Variants in SLC14A2 observed in about 807,000 individuals in gnomAD.
SLC14A2 encodes urea transporter 2.
In SLC14A2, 91 loss-of-function variants were observed where a neutral mutation model predicts 104.6. The ratio of observed to expected loss-of-function variants is 0.87; its 90% CI spans 0.73 to 1.04. The LOEUF (loss-of-function observed/expected upper bound fraction) is 1.04. SLC14A2 is among the 50% of genes least tolerant of loss of function. The probability of loss-of-function intolerance (pLI) is 0.00; values close to 1 mark genes in which losing one functional copy is unlikely to be tolerated. For missense variants in SLC14A2, 1,189 were observed against 1,156.0 expected, an observed-to-expected ratio of 1.03 and a Z score of -0.41; for synonymous variants, 476 against 466.4, an observed-to-expected ratio of 1.02 and a Z score of -0.27.
At chr18:45,240,949 C>T (rs749947288) in intron 1 of SLC14A2, among the ~76,000 whole-genome samples, 5 of 152,146 alleles carry the variant, frequency 3.3e-5, no homozygotes, top group South Asian at 4.1e-4. Flanking sequence ...TGAGCCACCG[C>T]GCCCAGCTTC....
intron 1 of SLC14A2, among the ~76,000 whole-genome samples, chr18:45,453,348 C>T (rs1331063006): frequency 1.3e-5 from 2 of 152,164 alleles, no homozygotes; most frequent in Non-Finnish European, 2.9e-5. Flanking sequence ...AGGCAACTCA[C>T]TCTGGGCACA....
intron 2 of SLC14A2, among the ~76,000 whole-genome samples, chr18:45,512,296 A>G (rs958570659): frequency 2.0e-5 from 3 of 152,146 alleles, no homozygotes; most frequent in African/African-American, 7.2e-5. Flanking sequence ...AGGAATTAGG[A>G]GTGAACCAGA....
chr18:45,399,021 A>C (rs1437013629), intron 1 of SLC14A2, among the ~76,000 whole-genome samples: 1 of 152,328 alleles, frequency 6.6e-6, no homozygotes, highest in South Asian at 2.1e-4. Flanking sequence ...GCCCAAAAAG[A>C]AATAGTATAA....
chr18:45,487,441 C>T lies in SLC14A2; in HGVS notation c.-35+4119C>T, dbSNP rs542662602. Among the ~76,000 whole-genome samples, 4 of 152,190 alleles carry T rather than the reference C, an allele frequency of 2.6e-5. No homozygotes were observed. In the South Asian group the frequency reaches 6.2e-4, roughly 24 times the overall value. On this transcript the variant is annotated intron_variant, in intron 2 of 20. Coordinates refer to the SLC14A2 transcript ENST00000586448. ...CTCTTGACATATAAGGCAACACATT[C>T]GCAAGTTCCTGGGGATTAGGGCACA...
intron 4 of SLC14A2, 76 bp from the exon 5 acceptor site, chr18:45,632,274 T>G: frequency 6.5e-7 from 1 of 1,527,216 alleles, no homozygotes; most frequent in Non-Finnish European, 8.8e-7. Flanking sequence ...ATTAAGCATA[T>G]CCTCAGAGCA....
chr18:45,285,874 G>T (rs1341881770), intron 1 of SLC14A2, among the ~76,000 whole-genome samples: 2 of 152,166 alleles, frequency 1.3e-5, no homozygotes, highest in South Asian at 4.1e-4. Flanking sequence ...TCAGAACAGT[G>T]GTTCTCAGCC....
intron 2 of SLC14A2, among the ~76,000 whole-genome samples, chr18:45,575,662 C>A (rs1004566632): frequency 5.3e-5 from 8 of 152,328 alleles, no homozygotes; most frequent in African/African-American, 1.9e-4. Context: ...TAAATCAGGG[C>A]TGAAGCAGAA....
At chr18:45,573,931 T>G (rs2044383784) in intron 2 of SLC14A2, among the ~76,000 whole-genome samples, 1 of 152,204 alleles carries the variant, frequency 6.6e-6, no homozygotes, top group Admixed American at 6.5e-5. Flanking sequence ...GATATAGATG[T>G]TCAGAAAATA....
chr18:45,612,755 T>G (rs2044993028), upstream of SLC14A2, among the ~76,000 whole-genome samples: 1 of 152,196 alleles, frequency 6.6e-6, no homozygotes, highest in East Asian at 1.9e-4. Flanking sequence ...ATTCCCCATG[T>G]GTCAAAGTCG....
intron 1 of SLC14A2, among the ~76,000 whole-genome samples, chr18:45,344,756 C>T (rs1204580865): frequency 3.3e-5 from 5 of 152,076 alleles, no homozygotes; most frequent in Non-Finnish European, 5.9e-5. Flanking sequence ...AAGTGGTGTG[C>T]GTCAGTGGCA....
chr18:45,604,492 C>A (rs1019463924), intron 2 of SLC14A2, among the ~76,000 whole-genome samples: 3 of 152,170 alleles, frequency 2.0e-5, no homozygotes, highest in African/African-American at 7.2e-5. Context: ...AGAGAAACAA[C>A]TCTGCTTTAT....
intron 1 of SLC14A2, among the ~76,000 whole-genome samples, chr18:45,481,517 G>A (rs973062441): frequency 6.6e-6 from 1 of 152,046 alleles, no homozygotes. Flanking sequence ...AAAATATATA[G>A]CATTCATTAA....
intron 1 of SLC14A2, among the ~76,000 whole-genome samples, chr18:45,397,100 A>G (rs1462332957): frequency 6.6e-6 from 1 of 152,130 alleles, no homozygotes; most frequent in African/African-American, 2.4e-5. Flanking sequence ...GTGTTTTGCT[A>G]TTGTGAATAG....
rs999423607 is a variant in SLC14A2 at position 45,487,742 on chromosome 18, G to C, written c.-35+4420G>C. Reference sequence around the variant, plus strand: ...ATCACAAGGTCCAGCTGACCCCTTGGGGATACCTAAAATGGGATGGCCTCT... The same window carrying C: ...ATCACAAGGTCCAGCTGACCCCTTGCGGATACCTAAAATGGGATGGCCTCT... On this transcript the variant is annotated intron_variant, in intron 2 of 20. Transcript: ENST00000586448. 6.6e-5 allele frequency among the ~76,000 whole-genome samples: 10 copies of C among 152,256 alleles called. No individual in the cohort carries two copies. In the East Asian group the frequency reaches 1.4e-3, roughly 21 times the overall value.
At position 45,510,089 on chromosome 18, in the gene SLC14A2, A is replaced by C. The variant is rs1404544390; in HGVS notation, c.-35+26767A>C. ...CCAGGCTCAGTTTCTTCTTTGATGGACAACTTCAAGTGAGACACTTAACCT... is the reference window on the plus strand; with the variant it reads ...CCAGGCTCAGTTTCTTCTTTGATGGCCAACTTCAAGTGAGACACTTAACCT... On this transcript the variant is annotated intron_variant, in intron 2 of 20. Transcript: ENST00000586448. Among the ~76,000 whole-genome samples the C allele has an allele frequency of 6.6e-5, 10 of 152,200 alleles. No individual in the cohort carries two copies. In the East Asian group the frequency reaches 1.9e-3, roughly 29 times the overall value.
At chr18:45,198,602 G>C in the SLC14A2 span, among the ~76,000 whole-genome samples, 1 of 152,006 alleles carries the variant, frequency 6.6e-6, no homozygotes. Context: ...CTCATTAACA[G>C]TCTCTTTTGA....
the SLC14A2 span, among the ~76,000 whole-genome samples, chr18:45,189,804 T>G: frequency 6.6e-6 from 1 of 152,118 alleles, no homozygotes; most frequent in Non-Finnish European, 1.5e-5. Context: ...TGGGTGATAA[T>G]GGATGCAAAA....
At chr18:45,441,085 C>T (rs1044162237) in intron 1 of SLC14A2, among the ~76,000 whole-genome samples, 1 of 152,198 alleles carries the variant, frequency 6.6e-6, no homozygotes. Context: ...CTTCTGCCTG[C>T]TCCCAACTGT....
intron 5 of SLC14A2, chr18:45,634,767 A>AGGCAGAGATGTGATGGGATAT: frequency 2.2e-6 from 1 of 455,408 alleles, no homozygotes; most frequent in South Asian, 1.6e-5. Context: ...AGAGAGTTTT[A>AGGCAGAGATGTGATGGGATAT]GGCAGAGATG....
Sources: allele counts gnomAD v4.1 joint callset (sites outside exome capture counted in the v4.1 genomes callset), GRCh38; gene constraint gnomAD v4.1.1; transcripts MANE v1.5; gene names NCBI Gene and HGNC (gene_info 2026-07-23, HGNC 2026-07-21).